SOD2: variants seen among roughly 807,000 people sequenced by gnomAD.
SOD2 encodes superoxide dismutase 2, also known as superoxide dismutase [Mn], mitochondrial.
A neutral mutation model predicts 27.0 loss-of-function variants in SOD2; 11 were observed. The ratio of observed to expected loss-of-function variants is 0.41; its 90% CI spans 0.26 to 0.67. The LOEUF (loss-of-function observed/expected upper bound fraction) is 0.67, where lower values mean the gene tolerates loss of function less well. Ranked by LOEUF, SOD2 falls within the 30% of genes least tolerant of loss-of-function variation. The pLI is 0.34. For missense variants in SOD2, 250 were observed against 274.5 expected (o/e 0.91, Z 0.63); for synonymous variants, 105 against 103.0 (o/e 1.02, Z -0.12).
At chr6:159,704,896 T>G (rs1444893269) in intron 1 of SOD2, among the ~76,000 whole-genome samples, 2 of 152,082 alleles carry the variant, frequency 1.3e-5, no homozygotes, top group Non-Finnish European at 2.9e-5. Flanking sequence ...GACTGACACC[T>G]CACATGGCCA....
At chr6:159,732,251 A>G (rs1250552856), upstream of SOD2, among the ~76,000 whole-genome samples, 1 of 152,222 alleles carries the variant, frequency 6.6e-6, no homozygotes, top group African/African-American at 2.4e-5. Flanking sequence ...ATAAGCTGGA[A>G]TTTATATTGA....
intron 1 of SOD2, among the ~76,000 whole-genome samples, chr6:159,709,847 G>C (rs1487145577): frequency 6.6e-6 from 1 of 152,038 alleles, no homozygotes; most frequent in Non-Finnish European, 1.5e-5. Context: ...ACTCACAATA[G>C]CAAAGACCTG....
chr6:159,708,124 T>C (rs1489342785), intron 1 of SOD2, among the ~76,000 whole-genome samples: 3 of 152,172 alleles, frequency 2.0e-5, no homozygotes, highest in African/African-American at 7.2e-5. Context: ...TATCTCAAAA[T>C]AATAAGAGCT....
intron 1 of SOD2, among the ~76,000 whole-genome samples, chr6:159,734,145 G>A (rs1393378856): frequency 6.6e-6 from 1 of 152,092 alleles, no homozygotes; most frequent in African/African-American, 2.4e-5. Context: ...AAATCAAGTG[G>A]GAGAAATCAA....
At chr6:159,746,270 T>C (rs143257956), upstream of SOD2, among the ~76,000 whole-genome samples, 90 of 152,330 alleles carry the variant, frequency 5.9e-4, no homozygotes, top group African/African-American at 2.0e-3. Flanking sequence ...GGGAGTGATG[T>C]ACTATAGGAG....
chr6:159,698,870 G>A (rs1266310214), intron 1 of SOD2, among the ~76,000 whole-genome samples: 1 of 143,488 alleles, frequency 7.0e-6, no homozygotes, highest in Non-Finnish European at 1.5e-5. Context: ...CATCATAAAG[G>A]TCTTCATCCT....
At chr6:159,732,471 C>G (rs1778633283) in intron 1 of SOD2, among the ~76,000 whole-genome samples, 1 of 152,208 alleles carries the variant, frequency 6.6e-6, no homozygotes, top group Non-Finnish European at 1.5e-5. Flanking sequence ...TACATAGATA[C>G]AGATACTGAT....
chr6:159,701,223 G>A (rs1441430740), intron 1 of SOD2, among the ~76,000 whole-genome samples: 3 of 152,170 alleles, frequency 2.0e-5, no homozygotes, highest in African/African-American at 7.2e-5. Context: ...GCACCTGCCA[G>A]CTGCCAACAT....
At chr6:159,692,313 AT>A in intron 2 of SOD2, 1 of 915,576 alleles carries the variant, frequency 1.1e-6, no homozygotes, top group Non-Finnish European at 1.5e-6. Flanking sequence ...AACAATTTCA[AT>A]TTGCAAAAAA....
At chr6:159,759,398 G>A (rs1441082739) in intron 1 of SOD2, among the ~76,000 whole-genome samples, 1 of 149,412 alleles carries the variant, frequency 6.7e-6, no homozygotes, top group Non-Finnish European at 1.5e-5. Context: ...CTGGCCGGGC[G>A]CGGTGGCTCA....
intron 1 of SOD2, among the ~76,000 whole-genome samples, chr6:159,708,102 A>G (rs4709362): frequency 1.1e-4 from 17 of 152,364 alleles, no homozygotes; most frequent in Admixed American, 8.5e-4. Flanking sequence ...TAAATTAGGT[A>G]TTGATGGGAC....
chr6:159,688,412 C>T (rs985138885), intron 2 of SOD2, 170 bp from the exon 3 acceptor site: 2 of 559,368 alleles, frequency 3.6e-6, no homozygotes, highest in Non-Finnish European at 6.4e-6. Context: ...TTGTCCCAGA[C>T]ATGCTGAACA....
At chr6:159,695,190 G>C (rs746412341), upstream of SOD2, among the ~76,000 whole-genome samples, 2 of 152,192 alleles carry the variant, frequency 1.3e-5, no homozygotes, top group Non-Finnish European at 2.9e-5. Flanking sequence ...ATCAGTCATT[G>C]TAATGGAAAG....
chr6:159,757,273 T>C (rs1780034842), intron 1 of SOD2, among the ~76,000 whole-genome samples: 1 of 152,110 alleles, frequency 6.6e-6, no homozygotes, highest in Admixed American at 6.6e-5. Context: ...GGGAGTGGAG[T>C]TATAATACTC....
intron 1 of SOD2, among the ~76,000 whole-genome samples, chr6:159,720,934 G>A (rs2114838154): frequency 7.3e-6 from 1 of 136,080 alleles, no homozygotes; most frequent in South Asian, 2.4e-4. Context: ...TCGGCTCAGT[G>A]CAACCTCTGC....
At chr6:159,743,909 A>G in intron 1 of SOD2, 5 of 1,138,888 alleles carry the variant, frequency 4.4e-6, no homozygotes, top group East Asian at 3.1e-5. Flanking sequence ...TTTTATAGGT[A>G]CGTATGCTTT....
Position 159,711,621 on chromosome 6 carries a change from G to A in SOD2, c.-116+15508C>T, listed in dbSNP as rs1229103760. 2.1e-4 allele frequency among the ~76,000 whole-genome samples: 14 copies of A among 66,086 alleles called. 1 individual carries two copies. Among genetic ancestry groups the A allele is most frequent in the African/African-American group, 2.2e-4 (4 of 18,406 alleles). The allele number at this position is 66,086 out of a possible 152,430, so 43.4% of individuals were successfully genotyped here. A position where few individuals can be genotyped will look rare whatever the true frequency, so the allele number is the denominator to read the frequency against. On this transcript the variant is annotated intron_variant, in intron 1 of 2. Transcript: ENST00000401980. ...TAACCACCTCCATAACCACCACTCA[G>A]CTGCTCTGACCACCATAACCACCTC... is the stretch of plus-strand genomic sequence containing the variant.
In SOD2 at chr6:159,677,887, AG is replaced by A. The variant is rs1779813628; in HGVS notation, c.*4605del. 1 of 152,178 alleles carries A rather than the reference AG, an allele frequency of 6.6e-6. No individual in the cohort carries two copies. Among genetic ancestry groups the A allele is most frequent in the Admixed American group, 6.6e-5 (1 of 15,266 alleles). The allele number at this position is 152,178 out of a possible 1,614,324, so 9.4% of individuals were successfully genotyped here. ...GTCTCTTGGCTCCTAAACCCCTTGA[AG>A]TATCTTTGGTTTGCCAATGAAATGA... On this transcript the variant is annotated 3_prime_UTR_variant, in exon 5 of 5. Transcript: ENST00000538183.
At chr6:159,713,353 G>C in intron 1 of SOD2, 1 of 652,202 alleles carries the variant, frequency 1.5e-6, no homozygotes, top group Admixed American at 2.6e-5. Flanking sequence ...ACCTCAGCCA[G>C]CCCCTGGCCT....
Sources: gnomAD v4.1 joint callset for allele counts (sites outside exome capture counted in the v4.1 genomes callset) on GRCh38, gnomAD v4.1.1 for gene constraint, MANE v1.5 for transcripts, NCBI Gene and HGNC (gene_info 2026-07-23, HGNC 2026-07-21) for gene names.